PALLD: variants seen among roughly 807,000 people sequenced by gnomAD.
PALLD encodes the protein palladin.
Under a neutral mutation model 123.5 loss-of-function variants are expected in PALLD, and 61 were observed. That is an observed-to-expected ratio of 0.49 (90% CI 0.40 to 0.61). The LOEUF (loss-of-function observed/expected upper bound fraction) is 0.61, where lower values mean the gene tolerates loss of function less well. Ranked by LOEUF, PALLD falls within the 20% of genes least tolerant of loss-of-function variation. The pLI is 0.00. For synonymous variants in PALLD, 465 were observed against 496.4 expected, an observed-to-expected ratio of 0.94 and a Z score of 0.84; for missense variants, 1,273 against 1,377.0, an observed-to-expected ratio of 0.92 and a Z score of 1.20.
At chr4:168,895,930 G>A (rs759604793) in intron 12 of PALLD, among the ~76,000 whole-genome samples, 1 of 152,014 alleles carries the variant, frequency 6.6e-6, no homozygotes, top group South Asian at 2.1e-4. Flanking sequence ...CATTTAAGGC[G>A]GGGCGCAGTG....
intron 6 of PALLD, among the ~76,000 whole-genome samples, chr4:168,690,067 T>G (rs75019448): frequency 0.014 from 2,158 of 152,194 alleles, 38 homozygotes; most frequent in African/African-American, 0.049. Flanking sequence ...ACTCAGAATC[T>G]CAAAATGAGA....
At chr4:168,693,917 G>A (rs931495302) in intron 8 of PALLD, among the ~76,000 whole-genome samples, 13 of 152,170 alleles carry the variant, frequency 8.5e-5, no homozygotes, top group African/African-American at 2.9e-4. Context: ...GACCACGCAA[G>A]TGACTAATTA....
intron 10 of PALLD, among the ~76,000 whole-genome samples, chr4:168,749,086 T>A (rs1317917408): frequency 2.0e-5 from 3 of 152,148 alleles, no homozygotes. Context: ...TATGGCTTAG[T>A]GCTGTCCTGG....
intron 9 of PALLD, 40 bp downstream of exon 9, chr4:168,709,187 C>T (rs1252315740): frequency 6.2e-7 from 1 of 1,608,622 alleles, no homozygotes; most frequent in South Asian, 1.1e-5. Flanking sequence ...TTCTGTTCCC[C>T]AGCACCAGTG....
intron 2 of PALLD, among the ~76,000 whole-genome samples, chr4:168,547,841 G>C (rs1489761314): frequency 6.6e-6 from 1 of 151,814 alleles, no homozygotes; most frequent in East Asian, 1.9e-4. Flanking sequence ...AGCTACCCAG[G>C]AGGCTGAGGC....
intron 10 of PALLD, among the ~76,000 whole-genome samples, chr4:168,714,830 G>A (rs945086674): frequency 6.6e-6 from 1 of 151,216 alleles, no homozygotes; most frequent in Non-Finnish European, 1.5e-5. Flanking sequence ...TGTGTCAGAT[G>A]TCTGGGGGAA....
intron 2 of PALLD, among the ~76,000 whole-genome samples, chr4:168,573,479 TTGAA>T (rs1218989781): frequency 2.6e-5 from 4 of 152,106 alleles, no homozygotes; most frequent in Non-Finnish European, 5.9e-5. Context: ...GACATATGGT[TTGAA>T]TGAATGAGTG....
In PALLD at chr4:168,683,018, CT is replaced by C; in HGVS notation, c.1176del (p.Val393PhefsTer3). 1 of 1,608,882 alleles carries C rather than the reference CT, an allele frequency of 6.2e-7. No homozygotes were observed. Among genetic ancestry groups the C allele is most frequent in the Non-Finnish European group, 8.5e-7 (1 of 1,175,350 alleles). On this transcript the variant is annotated frameshift_variant, in exon 5 of 22. Coordinates refer to ENST00000505667, the MANE Select transcript of PALLD (RefSeq NM_001166108.2). LOFTEE classifies it high-confidence loss of function. The stretch of plus-strand genomic sequence containing the variant: ...TCCAGAGCTCAAAAGAAAACAACTT[CT>C]GTTTCCTTGACAATAGGATCATCAT... The part of the protein sequence containing the change: ...AMPQAQKKTT[S>X]VSLTIGSSSP...
chr4:168,681,904 T>C (rs1432750641), intron 4 of PALLD, among the ~76,000 whole-genome samples: 1 of 152,176 alleles, frequency 6.6e-6, no homozygotes, highest in African/African-American at 2.4e-5. Context: ...CATTTCATCA[T>C]TGATATGCCA....
intron 3 of PALLD, among the ~76,000 whole-genome samples, chr4:168,669,916 T>A (rs1272605144): frequency 6.6e-6 from 1 of 152,088 alleles, no homozygotes; most frequent in African/African-American, 2.4e-5. Context: ...TTGTTCAAAG[T>A]CACACAATAA....
intron 21 of PALLD, among the ~76,000 whole-genome samples, chr4:168,925,685 A>G (rs1473291850): frequency 1.3e-5 from 2 of 152,204 alleles, no homozygotes; most frequent in Non-Finnish European, 2.9e-5. Flanking sequence ...ATTGACATAA[A>G]AAAAACACTA....
At chr4:168,906,989 A>T (rs1453136129) in intron 15 of PALLD, among the ~76,000 whole-genome samples, 2 of 152,214 alleles carry the variant, frequency 1.3e-5, no homozygotes, top group Non-Finnish European at 2.9e-5. Context: ...CATGCAGTAC[A>T]GGGGTTATGA....
intron 2 of PALLD, among the ~76,000 whole-genome samples, chr4:168,611,711 C>T (rs949750568): frequency 3.3e-5 from 5 of 152,194 alleles, no homozygotes; most frequent in African/African-American, 1.2e-4. Flanking sequence ...TAATGCTCAA[C>T]TACCTGGAAT....
chr4:168,873,174 G>C (rs911164484), intron 10 of PALLD, among the ~76,000 whole-genome samples: 1 of 152,198 alleles, frequency 6.6e-6, no homozygotes, highest in South Asian at 2.1e-4. Context: ...ATTGCAGTAA[G>C]AAATTTATAT....
intron 3 of PALLD, among the ~76,000 whole-genome samples, chr4:168,669,437 T>A (rs1485012382): frequency 6.7e-6 from 1 of 150,156 alleles, no homozygotes. Context: ...AACACTTTTT[T>A]AAAGTTAGCC....
intron 3 of PALLD, among the ~76,000 whole-genome samples, chr4:168,672,463 C>CTT (rs776912944): frequency 2.1e-5 from 3 of 146,002 alleles, no homozygotes; most frequent in Admixed American, 6.9e-5. Flanking sequence ...CTGAGATTAA[C>CTT]TTTTTTTTTT....
intron 10 of PALLD, among the ~76,000 whole-genome samples, chr4:168,764,522 A>T (rs571121876): frequency 5.6e-4 from 85 of 152,082 alleles, no homozygotes; most frequent in African/African-American, 2.0e-3. Context: ...GGCTCAAGAG[A>T]TTCTCTTACC....
intron 10 of PALLD, among the ~76,000 whole-genome samples, chr4:168,769,137 G>A (rs1734073225): frequency 6.6e-6 from 1 of 152,186 alleles, no homozygotes; most frequent in Non-Finnish European, 1.5e-5. Flanking sequence ...TGTTTTATTT[G>A]AGTGTGTATA....
In PALLD at chr4:168,796,367, G is replaced by A. The variant is rs1738501389; in HGVS notation, c.1964+84444G>A. ...TGATGATGCTTTCTCAGAGCCCAGT[G>A]CAAAGGAGAACACCAGTCACTGCTG... On this transcript the variant is annotated intron_variant, in intron 10 of 21. Transcript: ENST00000505667. Among the ~76,000 whole-genome samples the A allele has an allele frequency of 1.3e-5, 2 of 152,348 alleles. 1 individual carries two copies. The highest frequency in any genetic ancestry group is 4.1e-4 in the South Asian group (2 of 4,826).
Sources: allele counts gnomAD v4.1 joint callset (sites outside exome capture counted in the v4.1 genomes callset), GRCh38; gene constraint gnomAD v4.1.1; transcripts MANE v1.5; gene names NCBI Gene and HGNC (gene_info 2026-07-23, HGNC 2026-07-21).